The following NRG1 variants were observed in gnomAD, a reference collection of about 807,000 sequenced individuals.
The protein encoded by NRG1 is neuregulin 1.
A neutral mutation model predicts 63.8 loss-of-function variants in NRG1; 18 were observed. The observed-to-expected ratio is 0.28, with a 90% CI of 0.19 to 0.42. NRG1 has a LOEUF of 0.42. Ranked by LOEUF, NRG1 falls within the 10% of genes least tolerant of loss-of-function variation. The pLI, the probability that NRG1 is intolerant of heterozygous loss-of-function variation, is 1.00. For missense variants in NRG1, 762 were observed against 814.7 expected, an observed-to-expected ratio of 0.94 and a Z score of 0.79; for synonymous variants, 302 against 301.3, an observed-to-expected ratio of 1.00 and a Z score of -0.02.
chr8:32,484,199 T>G (rs1030542209), intron 1 of NRG1, among the ~76,000 whole-genome samples: 1 of 151,848 alleles, frequency 6.6e-6, no homozygotes, highest in Non-Finnish European at 1.5e-5. Context: ...ACCAGTGTAC[T>G]AAGGAGAATA....
chr8:31,736,326 A>G (rs1814656978), intron 1 of NRG1, among the ~76,000 whole-genome samples: 1 of 152,104 alleles, frequency 6.6e-6, no homozygotes, highest in African/African-American at 2.4e-5. Flanking sequence ...CCACTTTCTC[A>G]GTGAGGCCTT....
intron 1 of NRG1, among the ~76,000 whole-genome samples, chr8:32,336,934 A>G (rs1025994145): frequency 3.9e-5 from 6 of 152,042 alleles, no homozygotes; most frequent in African/African-American, 1.4e-4. Flanking sequence ...TATTCTACAT[A>G]CAATGGGAAG....
intron 1 of NRG1, among the ~76,000 whole-genome samples, chr8:32,516,145 C>T (rs896120443): frequency 6.6e-6 from 1 of 152,150 alleles, no homozygotes; most frequent in Non-Finnish European, 1.5e-5. Context: ...TATCCCAATA[C>T]CATTTATTGA....
Position 31,640,725 on chromosome 8 carries a change from G to T in NRG1, c.37+1294G>T, listed in dbSNP as rs764441646. ...AGGTCAGCCGGGTGCTGTGCAAGCG[G>T]TGCGGTAAGTTCCTCGCCCTTGGGG... On this transcript the variant is annotated intron_variant, in intron 1 of 10. Transcript: ENST00000519301. The surrounding 1 kb of genome is among the most constrained non-coding windows in gnomAD (Gnocchi z 6.3). 1.9e-6 allele frequency: 3 copies of T among 1,581,230 alleles called. No homozygotes were observed. Among genetic ancestry groups the T allele is most frequent in the Non-Finnish European group, 2.6e-6 (3 of 1,163,376 alleles).
At chr8:32,330,863 G>T (rs1370106245) in intron 1 of NRG1, among the ~76,000 whole-genome samples, 1 of 152,178 alleles carries the variant, frequency 6.6e-6, no homozygotes, top group Non-Finnish European at 1.5e-5. Context: ...TCACTGAAAT[G>T]AGAGTATTTT....
At chr8:32,296,997 C>G (rs899760681) in intron 1 of NRG1, among the ~76,000 whole-genome samples, 1 of 151,978 alleles carries the variant, frequency 6.6e-6, no homozygotes, top group Non-Finnish European at 1.5e-5. Flanking sequence ...CACCTGTAGT[C>G]CCAACTACTC....
intron 1 of NRG1, among the ~76,000 whole-genome samples, chr8:31,704,400 C>T (rs1810918258): frequency 6.6e-6 from 1 of 152,100 alleles, no homozygotes; most frequent in African/African-American, 2.4e-5. Context: ...GTATTAAGGA[C>T]TATTTGTCCT....
At chr8:32,665,706 A>G (rs1803971655) in intron 5 of NRG1, among the ~76,000 whole-genome samples, 2 of 152,202 alleles carry the variant, frequency 1.3e-5, no homozygotes, top group African/African-American at 4.8e-5. Flanking sequence ...TGTGCTGCTC[A>G]AAAACAAGCC....
At chr8:31,881,546 C>A (rs1830346902) in intron 1 of NRG1, among the ~76,000 whole-genome samples, 1 of 152,138 alleles carries the variant, frequency 6.6e-6, no homozygotes, top group African/African-American at 2.4e-5. Flanking sequence ...ACACATCTTT[C>A]ACTTTAAACC....
chr8:31,771,574 T>G (rs1276742617), intron 1 of NRG1, among the ~76,000 whole-genome samples: 1 of 152,182 alleles, frequency 6.6e-6, no homozygotes, highest in Non-Finnish European at 1.5e-5. Flanking sequence ...AATTTTTAGC[T>G]GAATAAAATA....
chr8:32,347,017 G>C (rs993361010), intron 1 of NRG1, among the ~76,000 whole-genome samples: 8 of 151,932 alleles, frequency 5.3e-5, no homozygotes, highest in African/African-American at 1.9e-4. Context: ...TTTTAGTAGA[G>C]ATGGGGTTTC....
intron 9 of NRG1, 47 bp downstream of exon 9, chr8:32,756,576 T>A (rs1185319309): frequency 6.4e-7 from 1 of 1,558,634 alleles, no homozygotes; most frequent in Admixed American, 2.0e-5. Flanking sequence ...CTCTCCTTTG[T>A]TCAGACGCCT....
At chr8:32,400,977 T>A (rs942474976) in intron 1 of NRG1, among the ~76,000 whole-genome samples, 1 of 152,200 alleles carries the variant, frequency 6.6e-6, no homozygotes, top group Non-Finnish European at 1.5e-5. Context: ...ATGAATGGGA[T>A]CATGTCCTTT....
At chr8:32,647,316 C>T in intron 5 of NRG1, 1 of 985,434 alleles carries the variant, frequency 1.0e-6, no homozygotes, top group Non-Finnish European at 1.2e-6. Flanking sequence ...TTGTTTTCTT[C>T]ATCTGAGCAG....
At chr8:32,114,094 C>G (rs1472050877) in intron 1 of NRG1, among the ~76,000 whole-genome samples, 1 of 152,204 alleles carries the variant, frequency 6.6e-6, no homozygotes, top group Non-Finnish European at 1.5e-5. Flanking sequence ...CCAACTTGTA[C>G]TAAAATGGCC....
chr8:32,408,968 T>C (rs966782587), intron 1 of NRG1, among the ~76,000 whole-genome samples: 1 of 152,164 alleles, frequency 6.6e-6, no homozygotes, highest in African/African-American at 2.4e-5. Context: ...TAGTTCTTAC[T>C]TATAAGTAAG....
intron 1 of NRG1, among the ~76,000 whole-genome samples, chr8:32,524,176 A>G (rs1222649286): frequency 1.3e-5 from 2 of 152,064 alleles, no homozygotes. Flanking sequence ...AGTCCCAGAT[A>G]CTTGAGAGGC....
intron 1 of NRG1, among the ~76,000 whole-genome samples, chr8:32,284,562 G>A (rs759617619): frequency 8.2e-5 from 11 of 134,396 alleles, no homozygotes; most frequent in Non-Finnish European, 1.6e-4. Context: ...ACAGAATCTC[G>A]CTCTGTCACC....
chr8:32,747,453 G>A (rs1168544759), intron 7 of NRG1, among the ~76,000 whole-genome samples: 2 of 151,892 alleles, frequency 1.3e-5, no homozygotes, highest in African/African-American at 4.8e-5. Flanking sequence ...TATTAAGAAA[G>A]CAAATGGGAA....
Sources: allele counts gnomAD v4.1 joint callset (sites outside exome capture counted in the v4.1 genomes callset), GRCh38; gene constraint gnomAD v4.1.1; non-coding constraint Gnocchi (gnomAD v3.1); transcripts MANE v1.5; gene names NCBI Gene and HGNC (gene_info 2026-07-23, HGNC 2026-07-21).